The following SLIT2 variants were observed in gnomAD, a reference collection of about 807,000 sequenced individuals.
The protein encoded by SLIT2 is slit homolog 2 protein.
A neutral mutation model predicts 185.7 loss-of-function variants in SLIT2; 41 were observed. The observed-to-expected ratio is 0.22, with a 90% CI of 0.17 to 0.29. The LOEUF (loss-of-function observed/expected upper bound fraction) is 0.29, where lower values mean the gene tolerates loss of function less well. Ranked by LOEUF, SLIT2 falls within the 10% of genes least tolerant of loss-of-function variation. The pLI is 1.00. For synonymous variants in SLIT2, 693 were observed against 680.2 expected, an observed-to-expected ratio of 1.02 and a Z score of -0.29; for missense variants, 1,571 against 1,909.0, an observed-to-expected ratio of 0.82 and a Z score of 3.30.
intron 4 of SLIT2, among the ~76,000 whole-genome samples, chr4:20,354,900 TGTGTGTGAGAGAGA>T (rs1345734419): frequency 3.2e-4 from 36 of 113,928 alleles, no homozygotes; most frequent in South Asian, 8.7e-4. Flanking sequence ...TGTGTGTGTG[TGTGTGTGAGAGAGA>T]GAGAGAGAGA....
chr4:20,420,964 A>G (rs145009401), intron 4 of SLIT2, among the ~76,000 whole-genome samples: 8 of 152,268 alleles, frequency 5.3e-5, no homozygotes, highest in African/African-American at 1.7e-4. Flanking sequence ...CTCCAGAACT[A>G]TGAGAGAATA....
chr4:20,552,103 T>C (rs1166765566), intron 25 of SLIT2, among the ~76,000 whole-genome samples: 1 of 152,138 alleles, frequency 6.6e-6, no homozygotes, highest in African/African-American at 2.4e-5. Flanking sequence ...ACAAACTCCA[T>C]GGCTGCCACG....
chr4:20,356,669 A>G (rs1722347902), intron 4 of SLIT2, among the ~76,000 whole-genome samples: 1 of 152,158 alleles, frequency 6.6e-6, no homozygotes, highest in African/African-American at 2.4e-5. Flanking sequence ...TTAATCTTAG[A>G]AAAAGGATAA....
chr4:20,311,885 C>T (rs907590970), intron 4 of SLIT2, among the ~76,000 whole-genome samples: 3 of 152,042 alleles, frequency 2.0e-5, no homozygotes, highest in African/African-American at 4.8e-5. Flanking sequence ...GTTCTATTTC[C>T]GTGAGCATTT....
At chr4:20,543,642 G>A (rs564795004) in intron 21 of SLIT2, among the ~76,000 whole-genome samples, 1 of 152,256 alleles carries the variant, frequency 6.6e-6, no homozygotes, top group Admixed American at 6.5e-5. Flanking sequence ...AGGTAATGAG[G>A]TTCAAGGGCA....
At chr4:20,280,332 CA>C (rs10585964) in intron 4 of SLIT2, among the ~76,000 whole-genome samples, 28,967 of 87,416 alleles carry the variant, frequency 0.33, 2,114 homozygotes, top group Middle Eastern at 0.47. Context: ...GACTCTGTCT[CA>C]AAAAAAAAAA....
intron 2 of SLIT2, among the ~76,000 whole-genome samples, chr4:20,257,457 A>G (rs1234055842): frequency 6.6e-6 from 1 of 152,042 alleles, no homozygotes; most frequent in Non-Finnish European, 1.5e-5. Flanking sequence ...GGTCATTACA[A>G]ATTATTCCAG....
chr4:20,612,652 T>G (rs1004253194), intron 34 of SLIT2, among the ~76,000 whole-genome samples: 1 of 152,114 alleles, frequency 6.6e-6, no homozygotes, highest in Non-Finnish European at 1.5e-5. Context: ...GCGCGGTGGC[T>G]CACGTCCGTA....
chr4:20,282,563 T>C (rs1714876473), intron 4 of SLIT2, among the ~76,000 whole-genome samples: 1 of 152,206 alleles, frequency 6.6e-6, no homozygotes, highest in South Asian at 2.1e-4. Flanking sequence ...ACCTCCAGTG[T>C]GCACTCCAGT....
chr4:20,478,611 A>C (rs1425770469), intron 5 of SLIT2, among the ~76,000 whole-genome samples: 1 of 152,232 alleles, frequency 6.6e-6, no homozygotes, highest in Non-Finnish European at 1.5e-5. Context: ...GCTAAGGATA[A>C]TAAGATATGG....
At chr4:20,570,731 G>GTATATATATATATATA (rs55841917) in intron 29 of SLIT2, among the ~76,000 whole-genome samples, 19 of 125,544 alleles carry the variant, frequency 1.5e-4, no homozygotes, top group African/African-American at 5.7e-4. Context: ...ATATATATAT[G>GTATATATATATATATA]TATATATATA....
chr4:20,543,078 T>TC (rs944831072), intron 21 of SLIT2, among the ~76,000 whole-genome samples: 28 of 152,088 alleles, frequency 1.8e-4, no homozygotes, highest in African/African-American at 6.8e-4. Flanking sequence ...AGGAAACTTT[T>TC]TTTTTTACCT....
intron 4 of SLIT2, among the ~76,000 whole-genome samples, chr4:20,332,238 C>T (rs555222641): frequency 3.3e-5 from 5 of 152,144 alleles, no homozygotes; most frequent in Non-Finnish European, 4.4e-5. Flanking sequence ...GCCTAATTGC[C>T]CTGGCAAGAA....
At chr4:20,611,947 G>T (rs1418367044) in intron 34 of SLIT2, among the ~76,000 whole-genome samples, 1 of 152,244 alleles carries the variant, frequency 6.6e-6, no homozygotes. Flanking sequence ...AAGCAGAAAG[G>T]GAACAAATCT....
At position 20,355,764 on chromosome 4, in the gene SLIT2, A is replaced by G. The variant is rs368878353; in HGVS notation, c.395+86883A>G. Among the ~76,000 whole-genome samples the G allele has an allele frequency of 2.4e-4, 36 of 152,300 alleles. 1 individual carries two copies. The South Asian group carries it at 7.0e-3, about 30-fold the overall frequency. The stretch of plus-strand genomic sequence containing the variant: ...TTCAGACTGATATCTATGTAGAAGT[A>G]CGCAAGAAAGTGACGTGATTATCTG... On this transcript the variant is annotated intron_variant, in intron 4 of 36. Coordinates refer to ENST00000504154, the MANE Select transcript of SLIT2 (RefSeq NM_004787.4).
At chr4:20,486,403 C>A in intron 7 of SLIT2, 132 bp downstream of exon 7, 1 of 593,588 alleles carries the variant, frequency 1.7e-6, no homozygotes, top group South Asian at 2.4e-5. Context: ...TTGGAAAAGA[C>A]TAGATATGAT....
intron 33 of SLIT2, among the ~76,000 whole-genome samples, chr4:20,607,555 G>C (rs1294425243): frequency 6.6e-6 from 1 of 152,112 alleles, no homozygotes; most frequent in African/African-American, 2.4e-5. Context: ...AGGGAATAAA[G>C]GAGCAATAAG....
chr4:20,555,713 T>C (rs1458953066), intron 26 of SLIT2, among the ~76,000 whole-genome samples: 1 of 152,032 alleles, frequency 6.6e-6, no homozygotes, highest in Non-Finnish European at 1.5e-5. Context: ...CAAAAGGTAA[T>C]TTGCACCACA....
intron 30 of SLIT2, among the ~76,000 whole-genome samples, chr4:20,595,189 A>G (rs773273659): frequency 3.3e-5 from 5 of 152,196 alleles, no homozygotes; most frequent in South Asian, 2.1e-4. Context: ...TAATATTAAT[A>G]TATTTGCTTT....
Sources: allele counts gnomAD v4.1 joint callset (sites outside exome capture counted in the v4.1 genomes callset), GRCh38; gene constraint gnomAD v4.1.1; transcripts MANE v1.5; gene names NCBI Gene and HGNC (gene_info 2026-07-23, HGNC 2026-07-21).